The following RB1 variants were observed in gnomAD, a reference collection of about 807,000 sequenced individuals.
RB1 encodes the protein RB transcriptional corepressor 1, also known as retinoblastoma-associated protein.
In RB1, 18 loss-of-function variants were observed where a neutral mutation model predicts 135.4. The ratio of observed to expected loss-of-function variants is 0.13; its 90% CI spans 0.09 to 0.20. RB1 has a LOEUF of 0.20. Among genes scored for constraint, RB1 ranks in the 10% least tolerant of loss-of-function variants. RB1 has a pLI of 1.00. For synonymous variants in RB1, 365 were observed against 373.2 expected, an observed-to-expected ratio of 0.98 and a Z score of 0.25; for missense variants, 868 against 1,110.0, an observed-to-expected ratio of 0.78 and a Z score of 3.10.
intron 17 of RB1, among the ~76,000 whole-genome samples, chr13:48,409,067 T>A (rs527527439): frequency 4.5e-4 from 68 of 152,158 alleles, no homozygotes; most frequent in African/African-American, 1.6e-3. Context: ...GAAAACACAT[T>A]TATATTATGT....
chr13:48,424,603 C>CT (rs5803436), intron 17 of RB1, among the ~76,000 whole-genome samples: 118,896 of 152,152 alleles, frequency 0.78, 52,230 homozygotes, highest in Non-Finnish European at 0.97. Context: ...TCTTCCTTAT[C>CT]TTTTTTTCCG....
intron 2 of RB1, chr13:48,317,196 T>G (rs1952191970): frequency 1.2e-5 from 6 of 518,186 alleles, no homozygotes; most frequent in Non-Finnish European, 1.5e-5. Context: ...CATGTCGGGC[T>G]GAAGAGGCTG....
chr13:48,448,678 G>C (rs550295781), intron 17 of RB1, among the ~76,000 whole-genome samples: 1 of 152,306 alleles, frequency 6.6e-6, no homozygotes, highest in East Asian at 1.9e-4. Flanking sequence ...AAAGTTTAGA[G>C]TTGAAAGCGC....
At chr13:48,324,471 A>G (rs894439292) in intron 2 of RB1, among the ~76,000 whole-genome samples, 3 of 150,404 alleles carry the variant, frequency 2.0e-5, no homozygotes, top group Non-Finnish European at 4.4e-5. Flanking sequence ...AAGTGAGAAC[A>G]TGTACTTGTC....
At chr13:48,315,303 GA>G (rs1272344592) in intron 2 of RB1, among the ~76,000 whole-genome samples, 3 of 152,286 alleles carry the variant, frequency 2.0e-5, no homozygotes, top group Non-Finnish European at 4.4e-5. Flanking sequence ...TGGCTATTGT[GA>G]GTGGGTTGCA....
intron 18 of RB1, among the ~76,000 whole-genome samples, chr13:48,455,351 A>G (rs1949353651): frequency 6.6e-6 from 1 of 152,234 alleles, no homozygotes; most frequent in Non-Finnish European, 1.5e-5. Context: ...CTAGAACTTC[A>G]GAGACTAACT....
intron 16 of RB1, 100 bp from the exon 17 acceptor site, chr13:48,381,147 A>G: frequency 1.4e-6 from 2 of 1,455,336 alleles, no homozygotes; most frequent in Non-Finnish European, 1.8e-6. Flanking sequence ...AAATGGTTTA[A>G]CCTTTCTACT....
At chr13:48,453,166 T>A in intron 18 of RB1, 55 bp downstream of exon 18, 1 of 1,484,316 alleles carries the variant, frequency 6.7e-7, no homozygotes, top group Non-Finnish European at 9.3e-7. Flanking sequence ...ATTTTAAGCA[T>A]AAGTGCAATG....
chr13:48,423,152 A>G (rs1166339961), intron 17 of RB1, among the ~76,000 whole-genome samples: 3 of 152,218 alleles, frequency 2.0e-5, no homozygotes, highest in Non-Finnish European at 4.4e-5. Context: ...AAATAAATAA[A>G]AAGAATGAAA....
At chr13:48,310,261 T>C (rs1454625221) in intron 2 of RB1, among the ~76,000 whole-genome samples, 3 of 152,172 alleles carry the variant, frequency 2.0e-5, no homozygotes, top group Non-Finnish European at 4.4e-5. Context: ...TAAATGTGTT[T>C]CCAGTGCAGC....
rs771620677 is a variant in RB1, at chr13:48,362,831, C to T, written c.735C>T (p.Pro245=). ...LKEPYKTAVI[P]INGSPRTPRR... is the part of the protein sequence containing the mutation. ...CTTTTACAGAAACAGCTGTTATACC[C>T]ATTAATGGTTCACCTCGAACACCCA... The change falls in exon 8 of 27, where the codon CCC becomes CCT. Residue 245 remains proline, a synonymous_variant. Transcript: ENST00000267163. 6.2e-7 allele frequency: 1 copy of T among 1,613,738 alleles called. No individual in the cohort carries two copies. The highest frequency in any genetic ancestry group is 1.1e-5 in the South Asian group (1 of 91,082).
intron 17 of RB1, among the ~76,000 whole-genome samples, chr13:48,407,309 A>AT (rs1199954686): frequency 6.6e-6 from 1 of 152,144 alleles, no homozygotes; most frequent in African/African-American, 2.4e-5. Context: ...GAAAGAGGTA[A>AT]TTTTCTACCC....
At chr13:48,391,720 G>A (rs1334081119) in intron 17 of RB1, among the ~76,000 whole-genome samples, 5 of 152,110 alleles carry the variant, frequency 3.3e-5, no homozygotes, top group Non-Finnish European at 5.9e-5. Context: ...CTGGGTTCAA[G>A]CGATTCTCCT....
intron 17 of RB1, among the ~76,000 whole-genome samples, chr13:48,442,913 C>T (rs539920868): frequency 3.3e-5 from 5 of 152,162 alleles, no homozygotes; most frequent in Non-Finnish European, 2.9e-5. Context: ...CACAAAGTAA[C>T]TTAGTTTAAA....
At chr13:48,422,376 G>A (rs1949019634) in intron 17 of RB1, among the ~76,000 whole-genome samples, 1 of 152,310 alleles carries the variant, frequency 6.6e-6, no homozygotes, top group East Asian at 1.9e-4. Flanking sequence ...GGGGTTGGGG[G>A]TTAGAGGAGG....
intron 7 of RB1, among the ~76,000 whole-genome samples, chr13:48,361,241 A>G (rs754635676): frequency 5.9e-5 from 9 of 152,234 alleles, no homozygotes; most frequent in Middle Eastern, 6.8e-3. Context: ...GTTCTTTTGG[A>G]TAATTCAAAT....
intron 23 of RB1, among the ~76,000 whole-genome samples, chr13:48,465,883 C>T (rs1333139339): frequency 6.7e-6 from 1 of 150,034 alleles, no homozygotes; most frequent in African/African-American, 2.4e-5. Flanking sequence ...GAGACTATAT[C>T]CCACACCTGG....
rs150848334 is a variant in RB1 at position 48,397,556 on chromosome 13, T to C, written c.1695+16113T>C. Among the ~76,000 whole-genome samples, 1,774 of 152,266 alleles carry C rather than the reference T, an allele frequency of 0.012. 67 individuals are homozygous for C. The East Asian group carries it at 0.12, about 10-fold the overall frequency. On this transcript the variant is annotated intron_variant, in intron 17 of 26. Coordinates refer to ENST00000267163, the MANE Select transcript of RB1 (RefSeq NM_000321.3). Reference sequence around the variant, plus strand: ...ATACCTAATGTAGATGATGGGTTGATAGGTGCAGCAAACCACCATGGCACG... The same window carrying C: ...ATACCTAATGTAGATGATGGGTTGACAGGTGCAGCAAACCACCATGGCACG...
chr13:48,328,600 CT>C, intron 2 of RB1: 1 of 626,304 alleles, frequency 1.6e-6, no homozygotes, highest in East Asian at 2.8e-5. Flanking sequence ...TTTCAGAAAT[CT>C]TTCTAATACA....
Sources: allele counts gnomAD v4.1 joint callset (sites outside exome capture counted in the v4.1 genomes callset), GRCh38; gene constraint gnomAD v4.1.1; transcripts MANE v1.5; gene names NCBI Gene and HGNC (gene_info 2026-07-23, HGNC 2026-07-21).